Variants in SDK2 observed in about 807,000 individuals in gnomAD.
SDK2 encodes the protein sidekick cell adhesion molecule 2.
A neutral mutation model predicts 253.9 loss-of-function variants in SDK2; 105 were observed. That is an observed-to-expected ratio of 0.41 (90% CI 0.35 to 0.49). SDK2 has a LOEUF of 0.49. Among genes scored for constraint, SDK2 ranks in the 20% least tolerant of loss-of-function variants. The probability of loss-of-function intolerance (pLI) is 0.06; values close to 1 mark genes in which losing one functional copy is unlikely to be tolerated. For missense variants in SDK2, 2,608 were observed against 3,003.0 expected (o/e 0.87, Z 3.07); for synonymous variants, 1,249 against 1,234.9 (o/e 1.01, Z -0.24).
chr17:73,588,207 C>CT (rs1555607323), intron 1 of SDK2, among the ~76,000 whole-genome samples: 3 of 142,728 alleles, frequency 2.1e-5, no homozygotes, highest in South Asian at 2.3e-4. Flanking sequence ...ACCCCCCCCC[C>CT]TCCCCCGCCA....
chr17:73,564,527 A>G (rs2045283444), intron 1 of SDK2, among the ~76,000 whole-genome samples: 1 of 152,180 alleles, frequency 6.6e-6, no homozygotes, highest in East Asian at 1.9e-4. Flanking sequence ...CCATGACATT[A>G]AAACGAAACA....
At chr17:73,409,930 C>T (rs369270671) in intron 18 of SDK2, among the ~76,000 whole-genome samples, 24 of 152,282 alleles carry the variant, frequency 1.6e-4, no homozygotes, top group African/African-American at 5.8e-4. Flanking sequence ...TTTCAGCTCA[C>T]TGTAGCCTTG....
Position 73,472,203 on chromosome 17 carries a change from G to A in SDK2, c.240C>T (p.Ser80=). The A allele has an allele frequency of 6.4e-7, 1 of 1,551,586 alleles. No individual in the cohort carries two copies. The highest frequency in any genetic ancestry group is 8.7e-7 in the Non-Finnish European group (1 of 1,146,882). The change falls in exon 3 of 45, where the codon AGC becomes AGT. Residue 80 remains serine (S), a synonymous_variant. Transcript: ENST00000392650. ...FSLEYRYMIT[S]LDRTHAGFYR... is the part of the protein sequence containing the mutation. ...AAAAGCCAGCGTGGGTGCGGTCCAG[G>A]CTGGTGATCATGTATCTATGGGACA...
chr17:73,490,384 A>T (rs1336357816), intron 2 of SDK2, among the ~76,000 whole-genome samples: 1 of 152,208 alleles, frequency 6.6e-6, no homozygotes. Flanking sequence ...TGGTAGACAC[A>T]GGTGGAGAAG....
chr17:73,439,780 C>T (rs1325839742), intron 6 of SDK2, among the ~76,000 whole-genome samples: 4 of 152,176 alleles, frequency 2.6e-5, no homozygotes, highest in African/African-American at 9.7e-5. Flanking sequence ...GACTGAGGCC[C>T]AGAGGGCGGC....
intron 1 of SDK2, among the ~76,000 whole-genome samples, chr17:73,583,508 G>A (rs2045563779): frequency 6.6e-6 from 1 of 152,106 alleles, no homozygotes; most frequent in South Asian, 2.1e-4. Context: ...GAGAAAGGAG[G>A]GCTCTCAACA....
At chr17:73,549,267 G>T (rs1306940530) in intron 1 of SDK2, among the ~76,000 whole-genome samples, 1 of 152,190 alleles carries the variant, frequency 6.6e-6, no homozygotes, top group Non-Finnish European at 1.5e-5. Context: ...CCTCCTGGCA[G>T]CCCTCCTTGA....
intron 11 of SDK2, 57 bp from the exon 12 acceptor site, chr17:73,430,670 G>T: frequency 8.4e-7 from 1 of 1,189,606 alleles, no homozygotes; most frequent in South Asian, 1.7e-5. Context: ...TGTGTGGCTG[G>T]ACTCTGGGTG....
chr17:73,348,818 C>A, intron 43 of SDK2, 93 bp from the exon 44 acceptor site: 2 of 1,000,504 alleles, frequency 2.0e-6, no homozygotes, highest in Non-Finnish European at 3.0e-6. Context: ...CTGGGGAACA[C>A]GGATCCCTGC....
At chr17:73,386,228 G>A (rs1180834396) in intron 31 of SDK2, among the ~76,000 whole-genome samples, 1 of 152,204 alleles carries the variant, frequency 6.6e-6, no homozygotes, top group Non-Finnish European at 1.5e-5. Context: ...GGGACAGGAG[G>A]AATACGCCAC....
At chr17:73,517,399 TAGG>T (rs1237242998) in intron 1 of SDK2, 1 of 151,846 alleles carries the variant, frequency 6.6e-6, no homozygotes, top group East Asian at 1.9e-4. Flanking sequence ...GGTGTCTTGG[TAGG>T]AGGAGAAGAA....
In SDK2 at chr17:73,447,401, T is replaced by A. The variant is rs4789621; in HGVS notation, c.613+214A>T. 1.3e-5 allele frequency among the ~76,000 whole-genome samples: 2 copies of A among 152,048 alleles called. No homozygotes were observed. The highest frequency in any genetic ancestry group is 2.4e-5 in the African/African-American group (1 of 41,396). On this transcript the variant is annotated intron_variant, in intron 5 of 44. Transcript: ENST00000392650. This position sits in a 1 kb window ranked among gnomAD's most constrained non-coding sequence, Gnocchi z 4.0. ...CCGATGCAGGATCTCAGGCGTGTCA[T>A]GGGAACGGGCTCCAGCGTTCAGCTG...
At chr17:73,497,178 G>A (rs541229206) in intron 2 of SDK2, among the ~76,000 whole-genome samples, 79 of 152,312 alleles carry the variant, frequency 5.2e-4, no homozygotes, top group African/African-American at 1.6e-3. Flanking sequence ...GATTATAGGC[G>A]TGAGCCACTG....
chr17:73,379,248 C>A lies in SDK2; in HGVS notation c.4909G>T (p.Ala1637Ser), dbSNP rs2062809991. The A allele has an allele frequency of 6.4e-7, 1 of 1,556,276 alleles. No individual in the cohort carries two copies. Among genetic ancestry groups the A allele is most frequent in the Non-Finnish European group, 8.7e-7 (1 of 1,149,530 alleles). The change falls in exon 36 of 45, where the codon GCC (alanine) becomes TCC (serine). Residue 1637 changes from alanine to serine, a missense_variant. Ala to Ser is a moderately conservative substitution (Grantham distance 99). Around this residue, in one of 2 missense-constraint regions of SDK2, gnomAD observed 1,103 missense variants for 1,143.9 expected, o/e 0.96. Transcript: ENST00000392650. This position sits in a 1 kb window ranked among gnomAD's most constrained non-coding sequence, Gnocchi z 4.5. ...TCCCAAGTCACGTCCAGCTGTGTGGCCGTGGCGCCGTGGACGACCACGTTA... is the reference window on the plus strand; with the variant it reads ...TCCCAAGTCACGTCCAGCTGTGTGGACGTGGCGCCGTGGACGACCACGTTA... ...PRNVVVHGAT[A>S]TQLDVTWEPP...
At chr17:73,547,541 G>A (rs1450465335) in intron 1 of SDK2, among the ~76,000 whole-genome samples, 1 of 152,196 alleles carries the variant, frequency 6.6e-6, no homozygotes, top group African/African-American at 2.4e-5. Flanking sequence ...GATGGGGACA[G>A]CGGAGGCTCA....
chr17:73,550,022 C>T (rs1484526608), intron 1 of SDK2, among the ~76,000 whole-genome samples: 2 of 152,170 alleles, frequency 1.3e-5, no homozygotes, highest in African/African-American at 2.4e-5. Context: ...GCACCCCTCC[C>T]GCTGCTCTGC....
At chr17:73,537,839 A>C (rs1286808744) in intron 1 of SDK2, among the ~76,000 whole-genome samples, 2 of 152,180 alleles carry the variant, frequency 1.3e-5, no homozygotes, top group Non-Finnish European at 2.9e-5. Flanking sequence ...GCCTGAACCC[A>C]TTCTTATGAG....
At position 73,358,163 on chromosome 17, in the gene SDK2, T is replaced by C. The variant is rs1358311174; in HGVS notation, c.5509A>G (p.Ser1837Gly). 1.2e-6 allele frequency: 2 copies of C among 1,611,664 alleles called. No individual in the cohort carries two copies. Among genetic ancestry groups the C allele is most frequent in the Middle Eastern group, 1.7e-4 (1 of 6,028 alleles). Residue 1837 changes from serine (S) to glycine (G), a missense_variant, in exon 40 of 45, where the codon AGC (serine) becomes GGC (glycine). Around this residue, in one of 2 missense-constraint regions of SDK2, gnomAD observed 1,103 missense variants for 1,143.9 expected, o/e 0.96. Transcript: ENST00000392650. ...GACCAGTGAATGGCGATGGCAGAGC[T>C]GTACCGCACGATGATGGGCACGCCA... ...PPGVPIIVRYSSAIAIHWSSG... is the reference protein window; with the variant it reads ...PPGVPIIVRYGSAIAIHWSSG...
At chr17:73,353,322 A>G (rs1386346722) in intron 40 of SDK2, among the ~76,000 whole-genome samples, 1 of 152,190 alleles carries the variant, frequency 6.6e-6, no homozygotes, top group African/African-American at 2.4e-5. Flanking sequence ...TGCCTAAGAC[A>G]TTATCATATG....
Sources: allele counts gnomAD v4.1 joint callset (sites outside exome capture counted in the v4.1 genomes callset), GRCh38; gene constraint gnomAD v4.1.1; regional missense constraint gnomAD v4.1.1; non-coding constraint Gnocchi (gnomAD v3.1); transcripts MANE v1.5; gene names NCBI Gene and HGNC (gene_info 2026-07-23, HGNC 2026-07-21).